Variants in COBL observed in about 807,000 individuals in gnomAD.
COBL encodes protein cordon-bleu.
COBL carries 51 observed loss-of-function variants against 98.8 expected under a neutral mutation model. That is an observed-to-expected ratio of 0.52 (90% CI 0.41 to 0.65). The LOEUF (loss-of-function observed/expected upper bound fraction) is 0.65, where lower values mean the gene tolerates loss of function less well. Ranked by LOEUF, COBL falls within the 30% of genes least tolerant of loss-of-function variation. The probability of loss-of-function intolerance (pLI) is 0.00; values close to 1 mark genes in which losing one functional copy is unlikely to be tolerated. For synonymous variants in COBL, 634 were observed against 651.7 expected (o/e 0.97, Z 0.41); for missense variants, 1,617 against 1,617.5 (o/e 1.00, Z 0.01).
chr7:51,250,887 G>A (rs377664506), intron 1 of COBL, among the ~76,000 whole-genome samples: 4 of 152,246 alleles, frequency 2.6e-5, no homozygotes, highest in African/African-American at 9.6e-5. Context: ...CTGCCCACAC[G>A]CAAAAGAGGG....
intron 1 of COBL, among the ~76,000 whole-genome samples, chr7:51,270,982 G>A (rs950492062): frequency 3.9e-5 from 6 of 152,140 alleles, no homozygotes; most frequent in Non-Finnish European, 7.3e-5. Context: ...TAAGGAGTGT[G>A]TACAAGCCAG....
At chr7:51,041,774 G>A (rs1789224699) in intron 8 of COBL, among the ~76,000 whole-genome samples, 1 of 151,992 alleles carries the variant, frequency 6.6e-6, no homozygotes, top group South Asian at 2.1e-4. Flanking sequence ...TTGAGCCGCT[G>A]CACCCAGCCC....
intron 1 of COBL, among the ~76,000 whole-genome samples, chr7:51,284,150 AAAGC>A (rs897458641): frequency 2.7e-5 from 4 of 150,152 alleles, no homozygotes; most frequent in African/African-American, 9.7e-5. Context: ...AAAAAAAAAA[AAAGC>A]ACTAGGCATG....
intron 3 of COBL, among the ~76,000 whole-genome samples, chr7:51,192,335 T>C (rs1229270211): frequency 1.3e-5 from 2 of 152,166 alleles, no homozygotes; most frequent in Non-Finnish European, 2.9e-5. Flanking sequence ...AAGCTGGGTA[T>C]GGTGGTTCAG....
At chr7:51,125,246 AT>A (rs1798093856) in intron 6 of COBL, among the ~76,000 whole-genome samples, 1 of 152,168 alleles carries the variant, frequency 6.6e-6, no homozygotes, top group Non-Finnish European at 1.5e-5. Flanking sequence ...GACTGTACTT[AT>A]AAGAAGAGGA....
chr7:51,096,145 A>G (rs1400886647), intron 6 of COBL, among the ~76,000 whole-genome samples: 2 of 152,194 alleles, frequency 1.3e-5, no homozygotes, highest in Admixed American at 6.5e-5. Context: ...GATTAAAAAT[A>G]TGAAAATCAT....
intron 7 of COBL, among the ~76,000 whole-genome samples, chr7:51,051,976 T>C (rs1019460707): frequency 1.3e-5 from 2 of 152,224 alleles, no homozygotes; most frequent in African/African-American, 4.8e-5. Flanking sequence ...GTCATGGGCT[T>C]TAAGAGTAGT....
At chr7:51,114,393 A>G (rs770926642) in intron 6 of COBL, among the ~76,000 whole-genome samples, 4 of 152,202 alleles carry the variant, frequency 2.6e-5, no homozygotes, top group Admixed American at 6.5e-5. Context: ...TCCAGAGATA[A>G]TAAGTGTTTC....
intron 7 of COBL, among the ~76,000 whole-genome samples, chr7:51,055,335 T>C (rs1790635630): frequency 6.6e-6 from 1 of 152,096 alleles, no homozygotes; most frequent in African/African-American, 2.4e-5. Context: ...AAACTCAAAC[T>C]CATCTCTTAA....
In COBL at chr7:51,025,144, T is replaced by C; in HGVS notation, c.3733A>G (p.Ile1245Val). Residue 1245 changes from isoleucine to valine, a missense_variant, in exon 12 of 13, where the codon ATC (isoleucine) becomes GTC (valine). Around this residue, in one of 3 missense-constraint regions of COBL, gnomAD observed 1,304 missense variants for 1,282.0 expected, o/e 1.02. Coordinates refer to ENST00000265136, the MANE Select transcript of COBL (RefSeq NM_015198.5). The part of the protein sequence containing the change: ...ADARQALMDA[I>V]RSGTGAARLR... The stretch of plus-strand genomic sequence containing the variant: ...CTCGCAGCCCCTGTGCCGGAGCGGA[T>C]GGCGTCCATCAAGGCTTGCCTTGCG... The C allele has an allele frequency of 1.9e-6, 3 of 1,600,380 alleles. No individual in the cohort carries two copies. The highest frequency in any genetic ancestry group is 2.6e-6 in the Non-Finnish European group (3 of 1,173,028).
rs144492946 is a variant in COBL, at chr7:51,028,243, C to G, written c.2853G>C (p.Arg951Ser). ...GEDLAVGAPPRGEVIGPHRKL... is the reference protein window; with the variant it reads ...GEDLAVGAPPSGEVIGPHRKL... ...TCCTGTGTGGGCCAATGACCTCCCC[C>G]CTAGGAGGGGCTCCCACTGCCAAAT... Residue 951 changes from arginine to serine, a missense_variant, in exon 10 of 13, where the codon AGG (arginine) becomes AGC (serine). Coordinates refer to ENST00000265136, the MANE Select transcript of COBL (RefSeq NM_015198.5). 286 of 1,614,004 alleles carry G rather than the reference C, an allele frequency of 1.8e-4. No homozygotes were observed. The highest frequency in any genetic ancestry group is 7.7e-4 in the African/African-American group (58 of 75,064).
intron 1 of COBL, among the ~76,000 whole-genome samples, chr7:51,309,096 T>A (rs1802763896): frequency 6.6e-6 from 1 of 152,114 alleles, no homozygotes; most frequent in African/African-American, 2.4e-5. Flanking sequence ...CTTTAACACC[T>A]ACGTTCCCCC....
chr7:51,144,737 T>C (rs2129015135), intron 5 of COBL, among the ~76,000 whole-genome samples: 1 of 152,306 alleles, frequency 6.6e-6, no homozygotes, highest in African/African-American at 2.4e-5. Flanking sequence ...CAAACCCCAG[T>C]TTGCTTTTAG....
In COBL at chr7:51,042,989, G is replaced by A. The variant is rs562948662; in HGVS notation, c.1406+394C>T. ...TCCTCTTCTAGAAAAGTCTCTACAT[G>A]TAAATAGAGACATATGTTTCTTGCT... On this transcript the variant is annotated intron_variant, in intron 8 of 12. Transcript: ENST00000265136. Among the ~76,000 whole-genome samples the A allele has an allele frequency of 4.6e-5, 7 of 152,268 alleles. No homozygotes were observed. The South Asian group carries it at 1.5e-3, about 32-fold the overall frequency.
chr7:51,058,998 G>C (rs1195830326), intron 7 of COBL, among the ~76,000 whole-genome samples: 2 of 152,222 alleles, frequency 1.3e-5, no homozygotes, highest in East Asian at 3.9e-4. Context: ...GCACATGTTA[G>C]GGTCACTGGG....
At chr7:51,061,667 G>A (rs1334287720) in intron 7 of COBL, among the ~76,000 whole-genome samples, 2 of 152,152 alleles carry the variant, frequency 1.3e-5, no homozygotes, top group Admixed American at 1.3e-4. Flanking sequence ...CAGTAAGGAA[G>A]ATGTGCCCTT....
At chr7:51,199,084 T>A (rs1202918133) in intron 2 of COBL, among the ~76,000 whole-genome samples, 1 of 151,752 alleles carries the variant, frequency 6.6e-6, no homozygotes, top group Non-Finnish European at 1.5e-5. Context: ...ACCCAACCTA[T>A]CCCCCCAATA....
intron 1 of COBL, among the ~76,000 whole-genome samples, chr7:51,253,284 C>T (rs1178900893): frequency 1.3e-5 from 2 of 152,158 alleles, no homozygotes; most frequent in Non-Finnish European, 2.9e-5. Flanking sequence ...GACATTCTCT[C>T]TATTTGAGTA....
chr7:51,122,697 G>A (rs1410580205), intron 6 of COBL, among the ~76,000 whole-genome samples: 3 of 152,156 alleles, frequency 2.0e-5, no homozygotes, highest in Non-Finnish European at 4.4e-5. Context: ...TTAAATGTCA[G>A]GCCAGGCACA....
Sources: allele counts gnomAD v4.1 joint callset (sites outside exome capture counted in the v4.1 genomes callset), GRCh38; gene constraint gnomAD v4.1.1; regional missense constraint gnomAD v4.1.1; transcripts MANE v1.5; gene names NCBI Gene and HGNC (gene_info 2026-07-23, HGNC 2026-07-21).